DCLK2: variants seen among roughly 807,000 people sequenced by gnomAD.
DCLK2 encodes the protein serine/threonine-protein kinase DCLK2.
A neutral mutation model predicts 78.4 loss-of-function variants in DCLK2; 31 were observed. The ratio of observed to expected loss-of-function variants is 0.40; its 90% confidence interval spans 0.30 to 0.53. The LOEUF is 0.53. DCLK2 is among the 20% of genes least tolerant of loss of function. The pLI is 0.61. For missense variants in DCLK2, 872 were observed against 973.7 expected (o/e 0.90, Z 1.39); for synonymous variants, 407 against 374.9 (o/e 1.09, Z -0.99).
intron 12 of DCLK2, among the ~76,000 whole-genome samples, chr4:150,245,416 C>T (rs1043905076): frequency 1.3e-5 from 2 of 151,820 alleles, no homozygotes; most frequent in Non-Finnish European, 2.9e-5. Context: ...ATGTGCCCAA[C>T]GTGCAGGTTT....
chr4:150,084,155 A>T lies in DCLK2; in HGVS notation c.421+4707A>T, dbSNP rs9307864. 8.6e-5 allele frequency among the ~76,000 whole-genome samples: 13 copies of T among 152,020 alleles called. No homozygotes were observed. In the South Asian group the frequency reaches 2.7e-3, roughly 32 times the overall value. On this transcript the variant is annotated intron_variant, in intron 1 of 15. Coordinates refer to ENST00000296550, the MANE Select transcript of DCLK2 (RefSeq NM_001040260.4). ...CATTTTTCTTTACTTCTATTATAAC[A>T]CTTAGCTTTGTAGTCTCATGATATA...
intron 2 of DCLK2, among the ~76,000 whole-genome samples, chr4:150,166,347 A>G (rs796307960): frequency 6.8e-6 from 1 of 147,150 alleles, no homozygotes; most frequent in East Asian, 1.9e-4. Flanking sequence ...TAAAAAAATT[A>G]GCCAGGTGTG....
At chr4:150,175,576 C>T (rs540794983) in intron 2 of DCLK2, 1 of 151,996 alleles carries the variant, frequency 6.6e-6, no homozygotes. Context: ...TGAAGGAGCC[C>T]CTCTTTGGTC....
In DCLK2 at chr4:150,147,308, G is replaced by T. The variant is rs199693242; in HGVS notation, c.756+44496G>T. On this transcript the variant is annotated intron_variant, in intron 2 of 15. Coordinates refer to ENST00000296550, the MANE Select transcript of DCLK2 (RefSeq NM_001040260.4). ...GCAAGACCCTGTCTCTAAAAAATAA[G>T]AAAACAAGAATAAATGTAAAAGTAT... 2.0e-4 allele frequency among the ~76,000 whole-genome samples: 30 copies of T among 151,962 alleles called. No individual in the cohort carries two copies. The East Asian group carries it at 5.4e-3, about 28-fold the overall frequency.
At chr4:150,144,653 C>T (rs1734335604) in intron 2 of DCLK2, among the ~76,000 whole-genome samples, 1 of 152,062 alleles carries the variant, frequency 6.6e-6, no homozygotes, top group Admixed American at 6.6e-5. Context: ...GTGGCATGAT[C>T]ACAGCTCACT....
intron 2 of DCLK2, among the ~76,000 whole-genome samples, chr4:150,144,378 C>A (rs1168831947): frequency 6.6e-6 from 1 of 152,048 alleles, no homozygotes; most frequent in Non-Finnish European, 1.5e-5. Flanking sequence ...TGTTGAATAT[C>A]AGTTGTCTGT....
chr4:150,253,815 A>G (rs1323603547), intron 15 of DCLK2: 86 of 985,360 alleles, frequency 8.7e-5, no homozygotes, highest in Non-Finnish European at 1.0e-4. Context: ...TAGTTCTCCT[A>G]CCGATGCTGT....
chr4:150,198,082 C>A lies in DCLK2; in HGVS notation c.940C>A (p.Arg314Ser), dbSNP rs552302947. ...SGSKSPGPSR[R>S]SKSPASVNGT... Reference sequence around the variant, plus strand: ...ATCCAAAAGCCCTGGGCCCTCTCGACGCAGCAAATCACCAGCTTCAGGTAG... The same window carrying A: ...ATCCAAAAGCCCTGGGCCCTCTCGAAGCAGCAAATCACCAGCTTCAGGTAG... The change falls in exon 4 of 16, where the codon CGC (arginine) becomes AGC (serine). Residue 314 changes from arginine to serine, a missense_variant. Arg to Ser is a moderately radical substitution (Grantham distance 110). This residue lies in a region of DCLK2 where 567 missense variants were observed against 593.4 expected (regional missense o/e 0.96). Coordinates refer to ENST00000296550, the MANE Select transcript of DCLK2 (RefSeq NM_001040260.4). The A allele has an allele frequency of 3.7e-6, 6 of 1,613,330 alleles. No homozygotes were observed. Among genetic ancestry groups the A allele is most frequent in the South Asian group, 1.1e-5 (1 of 90,924 alleles).
At chr4:150,248,102 A>C (rs1479458820) in intron 13 of DCLK2, among the ~76,000 whole-genome samples, 1 of 152,218 alleles carries the variant, frequency 6.6e-6, no homozygotes, top group African/African-American at 2.4e-5. Context: ...TTAGTTTCAC[A>C]TGGACTCAGG....
At chr4:150,134,497 T>C (rs1438427574) in intron 2 of DCLK2, among the ~76,000 whole-genome samples, 1 of 152,162 alleles carries the variant, frequency 6.6e-6, no homozygotes, top group East Asian at 1.9e-4. Flanking sequence ...TTGAAGAAAA[T>C]TTTAGTCATT....
intron 2 of DCLK2, among the ~76,000 whole-genome samples, chr4:150,105,037 G>C (rs1319516707): frequency 1.3e-5 from 2 of 152,000 alleles, no homozygotes; most frequent in African/African-American, 4.8e-5. Context: ...GAAAATTTTG[G>C]AAATAATAAT....
chr4:150,250,687 C>T (rs568105830), intron 15 of DCLK2, among the ~76,000 whole-genome samples: 48 of 151,774 alleles, frequency 3.2e-4, no homozygotes, highest in African/African-American at 8.2e-4. Flanking sequence ...CTCCGTCACT[C>T]GTACTTGGGA....
At chr4:150,112,818 G>GCCCCC in intron 2 of DCLK2, among the ~76,000 whole-genome samples, 1 of 91,926 alleles carries the variant, frequency 1.1e-5, no homozygotes, top group African/African-American at 4.5e-5. Flanking sequence ...TTCTTTCCCC[G>GCCCCC]CCCCCCGCCC....
intron 2 of DCLK2, among the ~76,000 whole-genome samples, chr4:150,140,693 T>G (rs535685192): frequency 6.6e-6 from 1 of 152,340 alleles, no homozygotes; most frequent in Middle Eastern, 3.4e-3. Context: ...CAGGAATCCA[T>G]GTAGGTGCTA....
chr4:150,110,709 C>G (rs7659119), intron 2 of DCLK2, among the ~76,000 whole-genome samples: 14,301 of 152,122 alleles, frequency 0.094, 989 homozygotes, highest in African/African-American at 0.19. Context: ...TAGCTTAGTT[C>G]CCACTTAAAA....
At chr4:150,172,332 G>A (rs1258042932) in intron 2 of DCLK2, among the ~76,000 whole-genome samples, 1 of 152,070 alleles carries the variant, frequency 6.6e-6, no homozygotes, top group African/African-American at 2.4e-5. Context: ...GGCCAGGCAC[G>A]GTGGCTCACG....
intron 2 of DCLK2, among the ~76,000 whole-genome samples, chr4:150,148,082 T>C (rs1553960910): frequency 6.6e-6 from 1 of 152,178 alleles, no homozygotes; most frequent in Non-Finnish European, 1.5e-5. Context: ...ATGTACTTTT[T>C]TGTGGCTGGT....
At chr4:150,091,141 C>A (rs548930275) in intron 1 of DCLK2, among the ~76,000 whole-genome samples, 3 of 152,268 alleles carry the variant, frequency 2.0e-5, no homozygotes, top group East Asian at 3.9e-4. Context: ...TCTTAGCTAG[C>A]TGGATGTGGG....
chr4:150,249,499 C>G, intron 14 of DCLK2, 69 bp from the exon 15 acceptor site: 5 of 1,400,786 alleles, frequency 3.6e-6, no homozygotes, highest in Non-Finnish European at 4.0e-6. Context: ...GAGGGGGACT[C>G]TTAAGGAAAA....
Sources: allele counts gnomAD v4.1 joint callset (sites outside exome capture counted in the v4.1 genomes callset), GRCh38; gene constraint gnomAD v4.1.1; regional missense constraint gnomAD v4.1.1; transcripts MANE v1.5; gene names NCBI Gene and HGNC (gene_info 2026-07-23, HGNC 2026-07-21).